BTN2A1: variants seen among roughly 807,000 people sequenced by gnomAD.
The protein encoded by BTN2A1 is butyrophilin, subfamily 2, member A1.
In BTN2A1, 41 loss-of-function variants were observed where a neutral mutation model predicts 34.5. The observed-to-expected ratio is 1.19, with a 90% CI of 0.93 to 1.54. The LOEUF (loss-of-function observed/expected upper bound fraction) is 1.54, where lower values mean the gene tolerates loss of function less well. Ranked by LOEUF, BTN2A1 falls within the 40% of genes most tolerant of loss-of-function variation. BTN2A1 has a pLI of 0.00. For missense variants in BTN2A1, 642 were observed against 662.0 expected, an observed-to-expected ratio of 0.97 and a Z score of 0.33; for synonymous variants, 267 against 258.6, an observed-to-expected ratio of 1.03 and a Z score of -0.31.
chr6:26,468,018 A>T lies in BTN2A1; in HGVS notation c.1053A>T (p.Arg351Ser). 6.2e-7 allele frequency: 1 copy of T among 1,614,188 alleles called. No homozygotes were observed. The highest frequency in any genetic ancestry group is 1.1e-5 in the South Asian group (1 of 91,082). ...LFLSEDRRSV[R>S]RCPFRHLGES... Reference sequence around the variant, plus strand: ...TGTCAGAGGACCGGAGAAGTGTGAGAAGGTGCCCCTTCAGGCACCTAGGGG... The same window carrying T: ...TGTCAGAGGACCGGAGAAGTGTGAGTAGGTGCCCCTTCAGGCACCTAGGGG... The change falls in exon 8 of 8, where the codon AGA becomes AGT. Residue 351 changes from arginine to serine, a missense_variant. Physicochemically the swap from Arg to Ser is moderately radical, Grantham distance 110. Transcript: ENST00000312541.
At chr6:26,473,991 G>A (rs896977551), downstream of BTN2A1, among the ~76,000 whole-genome samples, 4 of 152,200 alleles carry the variant, frequency 2.6e-5, no homozygotes, top group African/African-American at 4.8e-5. Context: ...TTCTCGGACC[G>A]AGTGTACAGC....
Position 26,465,932 on chromosome 6 carries a change from TTTTC to T in BTN2A1, c.935-17_935-14del, listed in dbSNP as rs1196563435. On this transcript the variant is annotated splice_polypyrimidine_tract_variant and intron_variant, in intron 5 of 7. Transcript: ENST00000312541. The stretch of plus-strand genomic sequence containing the variant: ...TTTAGTTCTTCTGTCAAAGACATGA[TTTTC>T]TTTGTTTGTTTTTCAGAGAAACTTC... The T allele has an allele frequency of 3.1e-6, 5 of 1,613,998 alleles. No homozygotes were observed. In the African/African-American group the frequency reaches 5.3e-5, roughly 17 times the overall value.
At chr6:26,471,753 A>G (rs1006420498), downstream of BTN2A1, among the ~76,000 whole-genome samples, 2 of 152,326 alleles carry the variant, frequency 1.3e-5, no homozygotes, top group Admixed American at 1.3e-4. Context: ...AAGGAGCAAG[A>G]CGGGAGTGGT....
intron 3 of BTN2A1, among the ~76,000 whole-genome samples, chr6:26,462,346 A>T (rs948064378): frequency 3.3e-5 from 5 of 152,088 alleles, no homozygotes; most frequent in Admixed American, 1.3e-4. Flanking sequence ...TCTTTCTAAT[A>T]AGTTGATGTT....
chr6:26,465,997 A>C (rs1977198), intron 6 of BTN2A1, 24 bp downstream of exon 6: 816,371 of 1,613,956 alleles, frequency 0.51, 213,873 homozygotes, highest in East Asian at 0.68. Context: ...TTCCTTAACT[A>C]CATGTACAAT....
rs76161919 is a variant in BTN2A1 at position 26,476,152 on chromosome 6, C to T, written c.*20C>T. Reference sequence around the variant, plus strand: ...GTTTGAAGCTTTATATATCATTTACCAAACTTAGGGTGGTGAGTGGGTGCT... The same window carrying T: ...GTTTGAAGCTTTATATATCATTTACTAAACTTAGGGTGGTGAGTGGGTGCT... On this transcript the variant is annotated 3_prime_UTR_variant, in exon 8 of 8. Transcript: ENST00000469185. 27,113 of 1,536,164 alleles carry T rather than the reference C, an allele frequency of 0.018. 653 individuals carry two copies. Among genetic ancestry groups the T allele is most frequent in the African/African-American group, 0.12 (8,552 of 73,018 alleles).
Position 26,459,678 on chromosome 6 carries a change from G to C in BTN2A1, c.280G>C (p.Gly94Arg), listed in dbSNP as rs541854467. The C allele has an allele frequency of 1.2e-6, 2 of 1,614,164 alleles. No homozygotes were observed. The highest frequency in any genetic ancestry group is 2.2e-5 in the South Asian group (2 of 91,084). The part of the protein sequence containing the change: ...RTEEQMEEYR[G>R]RTTFVSKDIS... ...AGAGGAGCAGATGGAGGAGTACCGA[G>C]GAAGAACCACCTTTGTGAGCAAAGA... Residue 94 changes from glycine to arginine, a missense_variant, in exon 3 of 8, where the codon GGA (glycine) becomes CGA (arginine). Physicochemically the swap from Gly to Arg is moderately radical, Grantham distance 125. Transcript: ENST00000312541.
At position 26,458,705 on chromosome 6, in the gene BTN2A1, T is replaced by A; in HGVS notation, c.69T>A (p.Cys23Ter). The A allele has an allele frequency of 6.2e-7, 1 of 1,614,100 alleles. No homozygotes were observed. Among genetic ancestry groups the A allele is most frequent in the Non-Finnish European group, 8.5e-7 (1 of 1,179,950 alleles). Residue 23 changes from cysteine to a stop codon, truncating the protein, a stop_gained, in exon 2 of 8, where the codon TGT becomes TGA. Transcript: ENST00000312541. LOFTEE classifies it high-confidence loss of function. ...TCCTCCTCCTCCTCCTCAGCCTGTG[T>A]GCACTGGTCTCAGGTAGGGATGTGT... is the stretch of plus-strand genomic sequence containing the variant. ...ASLLLLLLSL[C>*]ALVSAQFIVV...
rs1763410427 is a variant in BTN2A1, at chr6:26,469,396, A to G, written c.*847A>G. 1 of 957,264 alleles carries G rather than the reference A, an allele frequency of 1.0e-6. No individual in the cohort carries two copies. The highest frequency in any genetic ancestry group is 1.2e-6 in the Non-Finnish European group (1 of 804,394). 59.3% of individuals were successfully genotyped at this position (957,264 alleles called of 1,614,324 possible). ...CGCCTTACAAATGATGGAGGATTCC[A>G]AAGAGTTTTTGTTTATTTGGGTTAA... On this transcript the variant is annotated 3_prime_UTR_variant, in exon 8 of 8. Coordinates refer to ENST00000312541, the MANE Select transcript of BTN2A1 (RefSeq NM_007049.5).
downstream of BTN2A1, among the ~76,000 whole-genome samples, chr6:26,471,088 C>G (rs1020384065): frequency 6.6e-6 from 1 of 152,054 alleles, no homozygotes; most frequent in Admixed American, 6.6e-5. Flanking sequence ...CTGGGTTGAA[C>G]AAAAAGCTTT....
intron 2 of BTN2A1, among the ~76,000 whole-genome samples, chr6:26,459,160 C>G (rs542345248): frequency 3.9e-5 from 6 of 152,150 alleles, no homozygotes; most frequent in Non-Finnish European, 7.4e-5. Context: ...TGTCCTATTG[C>G]ACGGCTCAAG....
intron 4 of BTN2A1, 89 bp downstream of exon 4, chr6:26,463,614 G>T: frequency 6.8e-7 from 1 of 1,466,066 alleles, no homozygotes; most frequent in Admixed American, 1.9e-5. Context: ...GGGCAGCAGT[G>T]TGGGTGAAAT....
intron 7 of BTN2A1, among the ~76,000 whole-genome samples, chr6:26,466,351 C>T (rs1181424576): frequency 6.6e-6 from 1 of 152,120 alleles, no homozygotes. Flanking sequence ...CAGAGGTGTC[C>T]CATATATAGT....
At chr6:26,474,880 C>T (rs2113873007) in intron 7 of BTN2A1, among the ~76,000 whole-genome samples, 1 of 151,922 alleles carries the variant, frequency 6.6e-6, no homozygotes, top group East Asian at 1.9e-4. Context: ...TCCGGAGTAG[C>T]TGGGAATACA....
Position 26,467,846 on chromosome 6 carries a change from G to A in BTN2A1, c.983-102G>A, listed in dbSNP as rs757818478. On this transcript the variant is annotated intron_variant, in intron 7 of 7. Transcript: ENST00000312541. Reference sequence around the variant, plus strand: ...CCTTCATGGAAGTGGCCACTACGTGGGGATCCCTTCAGAGATATCTGAGAC... The same window carrying A: ...CCTTCATGGAAGTGGCCACTACGTGAGGATCCCTTCAGAGATATCTGAGAC... The A allele has an allele frequency of 1.1e-4, 175 of 1,561,048 alleles. 1 individual carries two copies. Among genetic ancestry groups the A allele is most frequent in the Middle Eastern group, 9.2e-4 (5 of 5,460 alleles).
At chr6:26,473,315 A>G (rs1346643000), downstream of BTN2A1, among the ~76,000 whole-genome samples, 1 of 152,230 alleles carries the variant, frequency 6.6e-6, no homozygotes, top group Non-Finnish European at 1.5e-5. Context: ...TGTCAGAGTG[A>G]GAAACAAATA....
rs1763109819 is a variant in BTN2A1, at chr6:26,459,726, CTGGTCA to C, written c.330_335del (p.Val111_Ile112del). 1 of 1,614,046 alleles carries C rather than the reference CTGGTCA, an allele frequency of 6.2e-7. No homozygotes were observed. Among genetic ancestry groups the C allele is most frequent in the African/African-American group, 1.3e-5 (1 of 74,918 alleles). On this transcript the variant is annotated inframe_deletion, in exon 3 of 8. Coordinates refer to ENST00000312541, the MANE Select transcript of BTN2A1 (RefSeq NM_007049.5). The stretch of plus-strand genomic sequence containing the variant: ...AGACATCAGCAGGGGCAGCGTGGCC[CTGGTCA>C]TACACAACATCACAGCCCAGGAAAA...
chr6:26,465,550 GA>G, intron 5 of BTN2A1, 144 bp downstream of exon 5: 1 of 822,400 alleles, frequency 1.2e-6, no homozygotes, highest in Non-Finnish European at 1.9e-6. Flanking sequence ...AAAAAGAAAA[GA>G]AAAAGAGTAG....
In BTN2A1 at chr6:26,466,006, A is replaced by G. The variant is rs4712999; in HGVS notation, c.955+33A>G. 0.13 allele frequency: 217,494 copies of G among 1,614,158 alleles called. 15,959 individuals are homozygous for G. The highest frequency in any genetic ancestry group is 0.18 in the Admixed American group (10,579 of 60,030). Reference sequence around the variant, plus strand: ...TAGCCTTTCCTTAACTACATGTACAATTTGAGTTCTGCTCAGCAACATCTC... The same window carrying G: ...TAGCCTTTCCTTAACTACATGTACAGTTTGAGTTCTGCTCAGCAACATCTC... On this transcript the variant is annotated intron_variant, in intron 6 of 7. Coordinates refer to ENST00000312541, the MANE Select transcript of BTN2A1 (RefSeq NM_007049.5).
Sources: allele counts gnomAD v4.1 joint callset (sites outside exome capture counted in the v4.1 genomes callset), GRCh38; gene constraint gnomAD v4.1.1; transcripts MANE v1.5; gene names NCBI Gene and HGNC (gene_info 2026-07-23, HGNC 2026-07-21).